The following LINC00632 variants were observed in gnomAD, a reference collection of about 807,000 sequenced individuals.
The protein encoded by LINC00632 is ALDOA related specific transcript.
At chrX:140,762,236 A>AGAGAGAGC (rs1931610255) in intron 3 of LINC00632, among the ~76,000 whole-genome samples, 2 of 59,813 alleles carry the variant, frequency 3.3e-5, no homozygotes, top group African/African-American at 8.4e-5. Flanking sequence ...AGAGAGAGAG[A>AGAGAGAGC]GAGAGAGCAC....
At chrX:140,726,564 A>G (rs1930966247) in intron 2 of LINC00632, among the ~76,000 whole-genome samples, 1 of 111,888 alleles carries the variant, frequency 8.9e-6, no homozygotes, top group African/African-American at 3.3e-5. Flanking sequence ...CAATGGCCAG[A>G]CACACCTTAC....
At chrX:140,723,664 T>TACACACAC (rs1461168228) in intron 2 of LINC00632, among the ~76,000 whole-genome samples, 1 of 843 alleles carries the variant, frequency 1.2e-3, no homozygotes, top group South Asian at 0.05. Context: ...ACACATTCCA[T>TACACACAC]ATACACACAT....
intron 3 of LINC00632, among the ~76,000 whole-genome samples, chrX:140,750,963 T>A (rs1931402993): frequency 8.9e-6 from 1 of 112,202 alleles, no homozygotes; most frequent in South Asian, 3.7e-4. Flanking sequence ...TCATTGTTTT[T>A]ATGGCTGAGT....
intron 2 of LINC00632, among the ~76,000 whole-genome samples, chrX:140,716,822 C>T (rs1930639993): frequency 9.1e-6 from 1 of 110,065 alleles, no homozygotes; most frequent in East Asian, 2.9e-4. Context: ...CACAGACACA[C>T]ACACATCCTA....
chrX:140,783,740 G>A (rs758938123), exon 5 of LINC00632: 130 of 1,208,012 alleles, frequency 1.1e-4, no homozygotes, highest in South Asian at 5.7e-4. Flanking sequence ...CACATCTTCC[G>A]GAAAAAATCC....
chrX:140,713,857 T>G (rs1930569637), intron 2 of LINC00632: 1 of 295,508 alleles, frequency 3.4e-6, no homozygotes, highest in Non-Finnish European at 6.5e-6. Context: ...GACTCTACTA[T>G]GACACACAGA....
chrX:140,788,843 A>C (rs868039805), exon 5 of LINC00632, among the ~76,000 whole-genome samples: 4 of 94,338 alleles, frequency 4.2e-5, no homozygotes, highest in Non-Finnish European at 8.6e-5. Context: ...ATATATGTAT[A>C]TATGTATATT....
chrX:140,727,353 G>A (rs183766768), intron 2 of LINC00632, among the ~76,000 whole-genome samples: 40 of 111,946 alleles, frequency 3.6e-4, no homozygotes, highest in East Asian at 1.4e-3. Flanking sequence ...GCGCAGTGGC[G>A]TGATCTCGGC....
intron 2 of LINC00632, among the ~76,000 whole-genome samples, chrX:140,731,810 T>C (rs1931061581): frequency 9.0e-6 from 1 of 111,306 alleles, no homozygotes; most frequent in Non-Finnish European, 1.9e-5. Flanking sequence ...TACAGGTGAA[T>C]ACAGATACAG....
chrX:140,770,086 G>C lies in LINC00632; in HGVS notation n.192-1992G>C, dbSNP rs767025178. Among the ~76,000 whole-genome samples, 5 of 111,175 alleles carry C rather than the reference G, an allele frequency of 4.5e-5. No homozygotes were observed. In the South Asian group the frequency reaches 1.9e-3, roughly 43 times the overall value. ...TCATCAATTCAAAGCCAGCAGGAGG[G>C]ATCAGGGAAAGCTTCCTGGAAGAGG... On this transcript the variant is annotated intron_variant and non_coding_transcript_variant, in intron 3 of 4. Coordinates refer to ENST00000648200, the Ensembl canonical transcript of LINC00632.
At chrX:140,758,300 G>C (rs1198535835) in intron 3 of LINC00632, among the ~76,000 whole-genome samples, 1 of 110,285 alleles carries the variant, frequency 9.1e-6, no homozygotes, top group African/African-American at 3.3e-5. Context: ...AATTGCACTG[G>C]CCAATAAATG....
At chrX:140,748,374 C>T (rs1931360095) in intron 3 of LINC00632, among the ~76,000 whole-genome samples, 1 of 111,716 alleles carries the variant, frequency 9.0e-6, no homozygotes, top group African/African-American at 3.3e-5. Flanking sequence ...GACCATAAAC[C>T]AGCAAAAGTA....
At chrX:140,751,285 C>CT (rs77749131) in intron 3 of LINC00632, among the ~76,000 whole-genome samples, 1,343 of 91,723 alleles carry the variant, frequency 0.015, 23 homozygotes, top group African/African-American at 0.05. Context: ...ATGCCAACAT[C>CT]TTTTTTTTTT....
At chrX:140,783,960 A>G (rs1164648543) in exon 5 of LINC00632, 4 of 1,207,779 alleles carry the variant, frequency 3.3e-6, no homozygotes, top group Non-Finnish European at 4.5e-6. Flanking sequence ...ACATCTTCCA[A>G]TGGCCTCCAG....
intron 3 of LINC00632, among the ~76,000 whole-genome samples, chrX:140,734,379 T>C (rs891923421): frequency 6.3e-5 from 7 of 111,656 alleles, no homozygotes; most frequent in Admixed American, 2.9e-4. Context: ...AATTTTTGCA[T>C]GCAATGAAAT....
rs184479618 is a variant in LINC00632, at chrX:140,715,295, C to T, written n.104+3639C>T. On this transcript the variant is annotated intron_variant and non_coding_transcript_variant, in intron 2 of 4. Coordinates refer to ENST00000648200, the Ensembl canonical transcript of LINC00632. ...GGCACACATTTGCCATACAGATTTA[C>T]TTCACACACAAAAAACACAGCCAGG... 5.2e-3 allele frequency among the ~76,000 whole-genome samples: 586 copies of T among 111,662 alleles called. 2 individuals are homozygous for T. The highest frequency in any genetic ancestry group is 0.018 in the African/African-American group (549 of 30,751).
At chrX:140,751,326 T>C (rs969557275) in intron 3 of LINC00632, among the ~76,000 whole-genome samples, 2 of 105,856 alleles carry the variant, frequency 1.9e-5, no homozygotes, top group African/African-American at 6.9e-5. Flanking sequence ...TTTGCACAAG[T>C]AAGGTGGTAT....
At chrX:140,716,804 C>CAG (rs1556019593) in intron 2 of LINC00632, among the ~76,000 whole-genome samples, 2 of 109,067 alleles carry the variant, frequency 1.8e-5, no homozygotes, top group East Asian at 2.9e-4. Flanking sequence ...CACACACACA[C>CAG]ACACACACAC....
At chrX:140,730,822 C>T (rs890776821) in intron 2 of LINC00632, among the ~76,000 whole-genome samples, 1 of 111,828 alleles carries the variant, frequency 8.9e-6, no homozygotes, top group Non-Finnish European at 1.9e-5. Context: ...ATACCCAACA[C>T]CATATTGTTT....
Sources: gnomAD v4.1 joint callset for allele counts (sites outside exome capture counted in the v4.1 genomes callset) on GRCh38, gnomAD v4.1.1 for gene constraint, MANE v1.5 for transcripts, NCBI Gene and HGNC (gene_info 2026-07-23, HGNC 2026-07-21) for gene names.